The following UBR1 variants were observed in gnomAD, a reference collection of about 807,000 sequenced individuals.
The protein encoded by UBR1 is ubiquitin protein ligase E3 component n-recognin 1.
UBR1 carries 102 observed loss-of-function variants against 242.1 expected under a neutral mutation model. The observed-to-expected ratio is 0.42, with a 90% confidence interval of 0.36 to 0.50. The LOEUF (loss-of-function observed/expected upper bound fraction) is 0.50. Ranked by LOEUF, UBR1 falls within the 20% of genes least tolerant of loss-of-function variation. The probability of loss-of-function intolerance (pLI) is 0.01; values close to 1 mark genes in which losing one functional copy is unlikely to be tolerated. For missense variants in UBR1, 1,772 were observed against 2,101.8 expected (o/e 0.84, Z 3.07); for synonymous variants, 675 against 684.8 (o/e 0.99, Z 0.22).
rs755502795 is a variant in UBR1 at position 43,007,273 on chromosome 15, A to T, written c.3221T>A (p.Val1074Asp). 7.4e-6 allele frequency: 12 copies of T among 1,614,034 alleles called. No individual in the cohort carries two copies. Among genetic ancestry groups the T allele is most frequent in the Admixed American group, 1.7e-5 (1 of 60,008 alleles). Residue 1074 changes from valine (V) to aspartate (D), a missense_variant, in exon 30 of 47, where the codon GTC becomes GAC. Coordinates refer to ENST00000290650, the MANE Select transcript of UBR1 (RefSeq NM_174916.3). ...CAAAGCAATTCTAGAGTAGTCACTGACTGCTGGGGTGCTACCAAAAGAAAT... is the reference window on the plus strand; with the variant it reads ...CAAAGCAATTCTAGAGTAGTCACTGTCTGCTGGGGTGCTACCAAAAGAAAT... ...SIMEEESTPA[V>D]SDYSRIALGP...
At chr15:42,980,200 T>A (rs1309689959) in intron 37 of UBR1, among the ~76,000 whole-genome samples, 1 of 152,218 alleles carries the variant, frequency 6.6e-6, no homozygotes, top group African/African-American at 2.4e-5. Flanking sequence ...CAAATTTTTC[T>A]TACAGGCAGT....
At chr15:43,026,468 G>T in intron 23 of UBR1, 93 bp downstream of exon 23, 2 of 983,490 alleles carry the variant, frequency 2.0e-6, no homozygotes, top group Non-Finnish European at 3.2e-6. Context: ...ATAAGAACCA[G>T]CGTGAAACTA....
At chr15:42,993,733 G>A (rs557349180) in intron 33 of UBR1, among the ~76,000 whole-genome samples, 6 of 147,334 alleles carry the variant, frequency 4.1e-5, no homozygotes, top group African/African-American at 1.2e-4. Context: ...AACTACTCAG[G>A]AGGCTGAGGC....
Position 43,029,924 on chromosome 15 carries a change from A to T in UBR1, c.2379+20T>A, listed in dbSNP as rs1215361210. 1 of 1,613,936 alleles carries T rather than the reference A, an allele frequency of 6.2e-7. No individual in the cohort carries two copies. Among genetic ancestry groups the T allele is most frequent in the African/African-American group, 1.3e-5 (1 of 75,048 alleles). The stretch of plus-strand genomic sequence containing the variant: ...ACCCCATCTTGAGGTACATAGAGAT[A>T]AAACCAAAATCAGACTTACATTCTC... On this transcript the variant is annotated intron_variant, in intron 21 of 46. Transcript: ENST00000290650.
intron 21 of UBR1, among the ~76,000 whole-genome samples, chr15:43,028,870 G>T (rs1459382206): frequency 6.6e-6 from 1 of 151,982 alleles, no homozygotes; most frequent in African/African-American, 2.4e-5. Flanking sequence ...GATCACTTGA[G>T]GTCAGGAGTT....
intron 8 of UBR1, 42 bp from the exon 9 acceptor site, chr15:43,059,234 T>G: frequency 1.3e-6 from 2 of 1,566,354 alleles, no homozygotes; most frequent in African/African-American, 2.7e-5. Context: ...ACTTGTATTC[T>G]TTTTCTTTTT....
intron 27 of UBR1, among the ~76,000 whole-genome samples, chr15:43,017,727 T>C (rs2033048853): frequency 6.6e-6 from 1 of 151,420 alleles, no homozygotes; most frequent in Admixed American, 6.6e-5. Context: ...GGAGAATCGC[T>C]TGAACCTGGG....
At chr15:42,956,980 C>T (rs945802432) in intron 44 of UBR1, among the ~76,000 whole-genome samples, 4 of 152,136 alleles carry the variant, frequency 2.6e-5, no homozygotes, top group Non-Finnish European at 4.4e-5. Context: ...AAAAGTTAAA[C>T]ACAAAATTAC....
chr15:43,105,532 T>C (rs970665861), intron 1 of UBR1, among the ~76,000 whole-genome samples: 20 of 152,088 alleles, frequency 1.3e-4, no homozygotes, highest in Admixed American at 5.2e-4. Flanking sequence ...TACCTACCAA[T>C]ATCAGGTCCC....
At chr15:43,104,643 G>C (rs1204462556) in intron 1 of UBR1, among the ~76,000 whole-genome samples, 2 of 151,882 alleles carry the variant, frequency 1.3e-5, no homozygotes, top group African/African-American at 4.8e-5. Flanking sequence ...TCATGCCGTA[G>C]CTCCCTCTGT....
chr15:43,070,555 AT>A (rs1050286631), intron 5 of UBR1, among the ~76,000 whole-genome samples: 2 of 151,812 alleles, frequency 1.3e-5, no homozygotes, highest in Non-Finnish European at 2.9e-5. Context: ...AAAAATGTTG[AT>A]TTTTTTTCCG....
rs2032317414 is a variant in UBR1, at chr15:42,978,070, A to G, written c.4151-123T>C. ...GGTTATAAAATACAGAAACTAATAC[A>G]TCACACCTTTGAGATATGAAAACCA... is the stretch of plus-strand genomic sequence containing the variant. On this transcript the variant is annotated intron_variant, in intron 37 of 46. Coordinates refer to ENST00000290650, the MANE Select transcript of UBR1 (RefSeq NM_174916.3). 9.4e-6 allele frequency: 7 copies of G among 742,682 alleles called. No individual in the cohort carries two copies. In the Admixed American group the frequency reaches 1.1e-4, roughly 12 times the overall value. 46.0% of individuals were successfully genotyped at this position (742,682 alleles called of 1,614,324 possible).
chr15:42,969,262 T>C (rs138000991), intron 40 of UBR1, among the ~76,000 whole-genome samples: 1 of 152,368 alleles, frequency 6.6e-6, no homozygotes, highest in East Asian at 1.9e-4. Flanking sequence ...ATTTCTCTAA[T>C]GACCAGTGAT....
At chr15:43,012,226 CA>C (rs1454205296) in intron 29 of UBR1, among the ~76,000 whole-genome samples, 1,813 of 82,360 alleles carry the variant, frequency 0.022, 27 homozygotes, top group African/African-American at 0.063. Flanking sequence ...GATTCCGTCT[CA>C]AAAAAAAAAA....
At position 43,105,930 on chromosome 15, in the gene UBR1, A is replaced by T. The variant is rs1567154589; in HGVS notation, c.81+12T>A. 1 of 1,613,342 alleles carries T rather than the reference A, an allele frequency of 6.2e-7. No individual in the cohort carries two copies. Among genetic ancestry groups the T allele is most frequent in the South Asian group, 1.1e-5 (1 of 91,064 alleles). ...GGGGGAGGACAAAAGAGACTTGCCT[A>T]TAGGGACTTACAGATGCCAGACGCT... is the stretch of plus-strand genomic sequence containing the variant. On this transcript the variant is annotated intron_variant, in intron 1 of 46. Coordinates refer to ENST00000290650, the MANE Select transcript of UBR1 (RefSeq NM_174916.3).
At chr15:43,093,247 T>C (rs1276570604) in intron 1 of UBR1, among the ~76,000 whole-genome samples, 1 of 152,232 alleles carries the variant, frequency 6.6e-6, no homozygotes, top group East Asian at 1.9e-4. Context: ...AGGAACTTAC[T>C]TAAGTAGATT....
At chr15:42,961,998 T>A (rs1238351296) in intron 42 of UBR1, among the ~76,000 whole-genome samples, 2 of 149,666 alleles carry the variant, frequency 1.3e-5, no homozygotes, top group Non-Finnish European at 3.0e-5. Context: ...ACTCCTGACC[T>A]CGTGATCCAA....
chr15:43,006,324 A>C (rs149717813), intron 30 of UBR1, among the ~76,000 whole-genome samples: 2 of 152,218 alleles, frequency 1.3e-5, no homozygotes, highest in Admixed American at 1.3e-4. Context: ...GGCAATGTTA[A>C]GTTTTCAATA....
At chr15:43,053,662 A>C (rs2033582173) in intron 12 of UBR1, among the ~76,000 whole-genome samples, 1 of 149,428 alleles carries the variant, frequency 6.7e-6, no homozygotes, top group African/African-American at 2.5e-5. Context: ...GCATGATCAC[A>C]GTTTACTGTA....
Sources: allele counts gnomAD v4.1 joint callset (sites outside exome capture counted in the v4.1 genomes callset), GRCh38; gene constraint gnomAD v4.1.1; transcripts MANE v1.5; gene names NCBI Gene and HGNC (gene_info 2026-07-23, HGNC 2026-07-21).